BMP2K: variants seen among roughly 807,000 people sequenced by gnomAD.
The protein encoded by BMP2K is BMP2 inducible kinase, also known as BMP-2-inducible protein kinase.
A neutral mutation model predicts 116.0 loss-of-function variants in BMP2K; 74 were observed. The ratio of observed to expected loss-of-function variants is 0.64; its 90% CI spans 0.53 to 0.77. The LOEUF (loss-of-function observed/expected upper bound fraction) is 0.77. Among genes scored for constraint, BMP2K ranks in the 30% least tolerant of loss-of-function variants. The pLI is 0.00. For synonymous variants in BMP2K, 486 were observed against 502.5 expected, an observed-to-expected ratio of 0.97 and a Z score of 0.44; for missense variants, 1,365 against 1,403.6, an observed-to-expected ratio of 0.97 and a Z score of 0.44.
chr4:78,852,417 G>C (rs1014558428), intron 7 of BMP2K, among the ~76,000 whole-genome samples: 2 of 151,990 alleles, frequency 1.3e-5, no homozygotes, highest in African/African-American at 4.8e-5. Context: ...AAACATAAAA[G>C]CATTCAAGTC....
intron 4 of BMP2K, among the ~76,000 whole-genome samples, chr4:78,843,958 ATCTT>A (rs1261143220): frequency 6.6e-6 from 1 of 151,866 alleles, no homozygotes; most frequent in Non-Finnish European, 1.5e-5. Context: ...TTCTTTCTGA[ATCTT>A]TATTTTGTAC....
At chr4:78,872,914 A>T in intron 13 of BMP2K, 116 bp downstream of exon 13, 1 of 1,062,798 alleles carries the variant, frequency 9.4e-7, no homozygotes, top group Non-Finnish European at 1.3e-6. Flanking sequence ...CTGTAGAGCC[A>T]CCCATTCTCT....
chr4:78,824,040 A>G (rs1255935581), intron 1 of BMP2K, among the ~76,000 whole-genome samples: 1 of 152,196 alleles, frequency 6.6e-6, no homozygotes, highest in Non-Finnish European at 1.5e-5. Flanking sequence ...TTTTAAAGTA[A>G]TGCCCTGCAT....
chr4:78,845,974 A>C (rs1730979996), intron 5 of BMP2K, among the ~76,000 whole-genome samples: 1 of 151,694 alleles, frequency 6.6e-6, no homozygotes, highest in Non-Finnish European at 1.5e-5. Flanking sequence ...AAATATATAA[A>C]GTCCTGAAGA....
chr4:78,790,284 T>A (rs1243951871), intron 1 of BMP2K, among the ~76,000 whole-genome samples: 1 of 152,232 alleles, frequency 6.6e-6, no homozygotes, highest in Non-Finnish European at 1.5e-5. Flanking sequence ...GGAAATGGCA[T>A]TATTGTTTGG....
intron 7 of BMP2K, among the ~76,000 whole-genome samples, chr4:78,856,945 A>G (rs571846783): frequency 6.6e-6 from 1 of 152,256 alleles, no homozygotes; most frequent in African/African-American, 2.4e-5. Context: ...TTTCTAGTCT[A>G]ACAATTTGAC....
chr4:78,844,518 T>G (rs1176832763), intron 4 of BMP2K, among the ~76,000 whole-genome samples: 1 of 151,688 alleles, frequency 6.6e-6, no homozygotes, highest in East Asian at 1.9e-4. Flanking sequence ...ATTGGAAGTA[T>G]AGTAAAAGAG....
At chr4:78,825,168 T>C (rs1577901778) in intron 1 of BMP2K, among the ~76,000 whole-genome samples, 1 of 152,070 alleles carries the variant, frequency 6.6e-6, no homozygotes, top group South Asian at 2.1e-4. Flanking sequence ...TGTGCCACTG[T>C]ACTCCAGCCT....
At chr4:78,786,204 G>T (rs1482591953) in intron 1 of BMP2K, among the ~76,000 whole-genome samples, 2 of 152,086 alleles carry the variant, frequency 1.3e-5, no homozygotes, top group East Asian at 3.9e-4. Context: ...GGTCATGAGA[G>T]CCCTCATGAA....
chr4:78,829,739 C>T (rs894238740), intron 2 of BMP2K, among the ~76,000 whole-genome samples: 6 of 146,410 alleles, frequency 4.1e-5, no homozygotes, highest in African/African-American at 7.8e-5. Flanking sequence ...GTTGTGTTAG[C>T]AGGCATGGAA....
intron 15 of BMP2K, among the ~76,000 whole-genome samples, chr4:78,907,123 T>A (rs1182359943): frequency 1.3e-5 from 2 of 152,222 alleles, no homozygotes; most frequent in Non-Finnish European, 2.9e-5. Context: ...TGAACAGTTA[T>A]ATATGGAATA....
intron 5 of BMP2K, among the ~76,000 whole-genome samples, chr4:78,845,784 A>G (rs190769062): frequency 1.3e-5 from 2 of 151,728 alleles, no homozygotes; most frequent in African/African-American, 2.4e-5. Flanking sequence ...CAAATTCTCT[A>G]TTGCCTAATA....
intron 5 of BMP2K, among the ~76,000 whole-genome samples, 158 bp from the exon 6 acceptor site, chr4:78,847,030 G>A (rs1196208404): frequency 6.6e-6 from 1 of 151,186 alleles, no homozygotes; most frequent in African/African-American, 2.4e-5. Context: ...AATCCTTGAC[G>A]GGTTTTTAAT....
chr4:78,819,237 G>A (rs62310809), intron 1 of BMP2K, among the ~76,000 whole-genome samples: 8,888 of 152,168 alleles, frequency 0.058, 368 homozygotes, highest in East Asian at 0.22. Context: ...TTGAGCTCAG[G>A]CCATCCACTC....
chr4:78,908,713 ACTC>A (rs539734604), intron 15 of BMP2K, among the ~76,000 whole-genome samples: 7 of 152,046 alleles, frequency 4.6e-5, no homozygotes, highest in Non-Finnish European at 8.8e-5. Flanking sequence ...AATTTTTAGT[ACTC>A]CTCTTCACTT....
intron 5 of BMP2K, 44 bp from the exon 6 acceptor site, chr4:78,847,141 TATA>T: frequency 1.5e-6 from 1 of 648,428 alleles, no homozygotes. Flanking sequence ...GTCTTTTTTT[TATA>T]TATATATATA....
chr4:78,855,762 G>A (rs1731478262), intron 7 of BMP2K, among the ~76,000 whole-genome samples: 1 of 152,092 alleles, frequency 6.6e-6, no homozygotes, highest in African/African-American at 2.4e-5. Flanking sequence ...TGTGTTCTTA[G>A]GTTGTGTTAG....
intron 15 of BMP2K, among the ~76,000 whole-genome samples, chr4:78,903,219 T>TTCATGTTCTTGTA (rs1261251490): frequency 2.0e-5 from 3 of 151,874 alleles, no homozygotes; most frequent in African/African-American, 7.2e-5. Context: ...AATGGGCAAA[T>TTCATGTTCTTGTA]TCATGTTCTT....
chr4:78,796,422 A>T (rs1728279250), intron 1 of BMP2K, among the ~76,000 whole-genome samples: 1 of 150,410 alleles, frequency 6.6e-6, no homozygotes, highest in Non-Finnish European at 1.5e-5. Context: ...GCATTGGGAG[A>T]TATACCTAAT....
Sources: allele counts gnomAD v4.1 joint callset (sites outside exome capture counted in the v4.1 genomes callset), GRCh38; gene constraint gnomAD v4.1.1; transcripts MANE v1.5; gene names NCBI Gene and HGNC (gene_info 2026-07-23, HGNC 2026-07-21).